Variants in COL21A1 observed in about 807,000 individuals in gnomAD.
COL21A1 encodes collagen type XXI alpha 1 chain.
In COL21A1, 149 loss-of-function variants were observed where a neutral mutation model predicts 137.9. The observed-to-expected ratio is 1.08, with a 90% CI of 0.95 to 1.24. The LOEUF (loss-of-function observed/expected upper bound fraction) is 1.24. COL21A1 is among the 50% of genes most tolerant of loss of function. The pLI is 0.00. For synonymous variants in COL21A1, 456 were observed against 391.5 expected (o/e 1.16, Z -1.95); for missense variants, 1,167 against 1,158.4 (o/e 1.01, Z -0.11).
Position 56,086,365 on chromosome 6 carries a change from C to CTAT in COL21A1, c.1813-8795_1813-8793dup, listed in dbSNP as rs1554203194. Among the ~76,000 whole-genome samples, 6 of 152,154 alleles carry CTAT rather than the reference C, an allele frequency of 3.9e-5. No individual in the cohort carries two copies. The South Asian group carries it at 1.0e-3, about 26-fold the overall frequency. Reference sequence around the variant, plus strand: ...AAATTTTGACTCCCCCAAAATGTAACTATTAATAGCCTAGTTTTGGCTGAA... The same window carrying CTAT: ...AAATTTTGACTCCCCCAAAATGTAACTATTATTAATAGCCTAGTTTTGGCTGAA... On this transcript the variant is annotated intron_variant, in intron 17 of 29. Coordinates refer to ENST00000244728, the MANE Select transcript of COL21A1 (RefSeq NM_030820.4).
At chr6:56,354,346 TG>T (rs1408393787) in intron 1 of COL21A1, among the ~76,000 whole-genome samples, 1 of 152,228 alleles carries the variant, frequency 6.6e-6, no homozygotes, top group African/African-American at 2.4e-5. Context: ...TGTGCTTTTT[TG>T]AATATATGCT....
intron 1 of COL21A1, among the ~76,000 whole-genome samples, chr6:56,386,159 G>C (rs767049659): frequency 2.9e-4 from 44 of 152,220 alleles, no homozygotes; most frequent in South Asian, 6.2e-4. Context: ...ATGTTAGCCT[G>C]GCTAGTCTCA....
chr6:56,235,723 G>A (rs998892857), intron 1 of COL21A1, among the ~76,000 whole-genome samples: 1 of 151,756 alleles, frequency 6.6e-6, no homozygotes, highest in Non-Finnish European at 1.5e-5. Context: ...TGTCTAATTG[G>A]TTATTCATAA....
chr6:56,059,241 G>A lies in COL21A1; in HGVS notation c.2610C>T (p.Gly870=). 1.3e-6 allele frequency: 2 copies of A among 1,595,112 alleles called. No individual in the cohort carries two copies. Among genetic ancestry groups the A allele is most frequent in the Non-Finnish European group, 1.7e-6 (2 of 1,173,850 alleles). Residue 870 remains glycine (G), a splice_region_variant and synonymous_variant, in exon 29 of 30, where the codon GGC becomes GGT. Transcript: ENST00000244728. ...PGRPGVRGLK[G]LPGRNGEKGS... is the part of the protein sequence containing the mutation. The stretch of plus-strand genomic sequence containing the variant: ...CTTTTTCCCCATTTCTTCCTGGTAG[G>A]CCTGCAGGGTGTCAAACATCTGAGT...
intron 1 of COL21A1, among the ~76,000 whole-genome samples, chr6:56,211,409 AC>A (rs1016505295): frequency 2.6e-5 from 4 of 151,822 alleles, no homozygotes; most frequent in African/African-American, 9.7e-5. Flanking sequence ...CTTACTTTAA[AC>A]CTTTTTAATA....
intron 17 of COL21A1, among the ~76,000 whole-genome samples, chr6:56,092,141 C>T (rs1348849869): frequency 6.6e-6 from 1 of 151,720 alleles, no homozygotes; most frequent in Non-Finnish European, 1.5e-5. Flanking sequence ...AAATCTAGGC[C>T]TCAATTGTTG....
intron 10 of COL21A1, among the ~76,000 whole-genome samples, chr6:56,150,516 A>T (rs6933008): frequency 0.64 from 74,043 of 115,982 alleles, 20,173 homozygotes; most frequent in East Asian, 0.72. Flanking sequence ...AGACTCCATC[A>T]CACACACACA....
At chr6:56,248,658 G>A (rs565470760), upstream of COL21A1, among the ~76,000 whole-genome samples, 4 of 152,348 alleles carry the variant, frequency 2.6e-5, no homozygotes, top group East Asian at 7.7e-4. Context: ...AAATGAATGT[G>A]TGAATTAATT....
At chr6:56,060,861 T>C (rs1411624712) in intron 26 of COL21A1, 30 bp downstream of exon 26, 2 of 1,585,200 alleles carry the variant, frequency 1.3e-6, no homozygotes, top group Non-Finnish European at 1.7e-6. Context: ...AATGAAAATG[T>C]AATAACTGTG....
chr6:56,348,984 T>G (rs1006693873), intron 1 of COL21A1, among the ~76,000 whole-genome samples: 1 of 152,194 alleles, frequency 6.6e-6, no homozygotes, highest in Admixed American at 6.5e-5. Flanking sequence ...AACTGAGTGA[T>G]GAAGATGCTA....
intron 1 of COL21A1, among the ~76,000 whole-genome samples, chr6:56,373,585 G>C (rs909015256): frequency 6.6e-6 from 1 of 152,354 alleles, no homozygotes; most frequent in Non-Finnish European, 1.5e-5. Flanking sequence ...CTGGGTGACA[G>C]AGCGAGACTC....
intron 17 of COL21A1, among the ~76,000 whole-genome samples, chr6:56,086,612 G>C (rs912692385): frequency 4.6e-5 from 7 of 152,120 alleles, no homozygotes; most frequent in African/African-American, 1.7e-4. Flanking sequence ...AGAAGAGGAG[G>C]GGTTGGTCTT....
intron 17 of COL21A1, among the ~76,000 whole-genome samples, chr6:56,095,354 C>T (rs1209769528): frequency 6.6e-6 from 1 of 152,092 alleles, no homozygotes; most frequent in African/African-American, 2.4e-5. Context: ...CTAATGGATC[C>T]TCAAGCCCTG....
chr6:56,313,029 T>C (rs1764646920), intron 1 of COL21A1, among the ~76,000 whole-genome samples: 1 of 152,168 alleles, frequency 6.6e-6, no homozygotes, highest in Non-Finnish European at 1.5e-5. Flanking sequence ...TTAATTGTTG[T>C]GACTACTTAT....
intron 12 of COL21A1, among the ~76,000 whole-genome samples, chr6:56,135,958 C>G (rs1482164087): frequency 6.6e-6 from 1 of 152,116 alleles, no homozygotes; most frequent in Non-Finnish European, 1.5e-5. Flanking sequence ...TTAACTCATT[C>G]CTATTTTTTT....
intron 14 of COL21A1, among the ~76,000 whole-genome samples, chr6:56,124,638 G>GTTTA (rs386407152): frequency 1.3e-5 from 2 of 151,774 alleles, no homozygotes; most frequent in Non-Finnish European, 2.9e-5. Flanking sequence ...TTTTTTGTTT[G>GTTTA]TTTGTTTGTT....
At chr6:56,075,427 A>G in intron 19 of COL21A1, 52 bp downstream of exon 19, 2 of 1,385,252 alleles carry the variant, frequency 1.4e-6, no homozygotes, top group Middle Eastern at 1.8e-4. Context: ...CCTAGTAGGT[A>G]GTAGCAACAC....
At chr6:56,188,672 G>A (rs572908359) in intron 1 of COL21A1, among the ~76,000 whole-genome samples, 11 of 152,276 alleles carry the variant, frequency 7.2e-5, no homozygotes, top group African/African-American at 2.6e-4. Context: ...GGTCCCTGAC[G>A]CCCGTTTATC....
intron 28 of COL21A1, among the ~76,000 whole-genome samples, chr6:56,059,804 G>A (rs1480585554): frequency 1.3e-5 from 2 of 152,076 alleles, no homozygotes; most frequent in African/African-American, 2.4e-5. Context: ...TAATTTGTAA[G>A]TTTATGTGTT....
Sources: gnomAD v4.1 joint callset for allele counts (sites outside exome capture counted in the v4.1 genomes callset) on GRCh38, gnomAD v4.1.1 for gene constraint, MANE v1.5 for transcripts, NCBI Gene and HGNC (gene_info 2026-07-23, HGNC 2026-07-21) for gene names.